The following ENTPD1 variants were observed in gnomAD, a reference collection of about 807,000 sequenced individuals.
ENTPD1 encodes the protein ATP diphosphohydrolase.
Under a neutral mutation model 57.0 loss-of-function variants are expected in ENTPD1, and 33 were observed. The observed-to-expected ratio is 0.58, with a 90% CI of 0.44 to 0.77. The LOEUF (loss-of-function observed/expected upper bound fraction) is 0.77. Ranked by LOEUF, ENTPD1 falls within the 30% of genes least tolerant of loss-of-function variation. The probability of loss-of-function intolerance (pLI) is 0.00; values close to 1 mark genes in which losing one functional copy is unlikely to be tolerated. For missense variants in ENTPD1, 501 were observed against 603.4 expected (o/e 0.83, Z 1.78); for synonymous variants, 202 against 218.8 (o/e 0.92, Z 0.68).
At chr10:95,736,886 A>T (rs1391926757) in intron 1 of ENTPD1, among the ~76,000 whole-genome samples, 2 of 152,204 alleles carry the variant, frequency 1.3e-5, no homozygotes, top group Admixed American at 6.5e-5. Context: ...GTAGTTTCTC[A>T]GCTTTGTTCT....
rs1163264124 is a variant in ENTPD1 at position 95,867,913 on chromosome 10, C to CT, written c.*1531dup. ...AACTTAATAAAGCTGTGGAAAGGAA[C>CT]TCTTAATCTTCTTTTCTGCTACTTA... On this transcript the variant is annotated 3_prime_UTR_variant, in exon 10 of 10. Transcript: ENST00000371205. The CT allele has an allele frequency of 2.0e-6, 2 of 985,334 alleles. No individual in the cohort carries two copies. Among genetic ancestry groups the CT allele is most frequent in the Non-Finnish European group, 2.4e-6 (2 of 829,944 alleles). The allele number at this position is 985,334 out of a possible 1,614,324, so 61.0% of individuals were successfully genotyped here. A position where few individuals can be genotyped will look rare whatever the true frequency, so the allele number is the denominator to read the frequency against.
At chr10:95,759,482 A>G (rs1259660571) in intron 1 of ENTPD1, among the ~76,000 whole-genome samples, 1 of 152,232 alleles carries the variant, frequency 6.6e-6, no homozygotes, top group Non-Finnish European at 1.5e-5. Context: ...TTCTAGCCCT[A>G]CTTTATAGCA....
At position 95,777,704 on chromosome 10, in the gene ENTPD1, G is replaced by A. The variant is rs547551030; in HGVS notation, c.16+21449G>A. Reference sequence around the variant, plus strand: ...CTCTTCAGAGCTGTTAGACAGGGACGTTTACATCTGCAGAAGTTGTCTGCT... The same window carrying A: ...CTCTTCAGAGCTGTTAGACAGGGACATTTACATCTGCAGAAGTTGTCTGCT... On this transcript the variant is annotated intron_variant, in intron 1 of 9. Transcript: ENST00000371205. Among the ~76,000 whole-genome samples the A allele has an allele frequency of 2.0e-5, 3 of 152,332 alleles. No homozygotes were observed. The East Asian group carries it at 5.8e-4, about 29-fold the overall frequency.
chr10:95,776,641 A>G (rs1386643778), intron 1 of ENTPD1, among the ~76,000 whole-genome samples: 2 of 152,034 alleles, frequency 1.3e-5, no homozygotes, highest in East Asian at 1.9e-4. Flanking sequence ...GAGTATCTTT[A>G]TGGTGTTCTC....
At chr10:95,742,145 A>C (rs958159751) in intron 1 of ENTPD1, among the ~76,000 whole-genome samples, 1 of 152,214 alleles carries the variant, frequency 6.6e-6, no homozygotes, top group East Asian at 1.9e-4. Flanking sequence ...ACTGACTCTT[A>C]GGCCCAGCAA....
intron 1 of ENTPD1, among the ~76,000 whole-genome samples, chr10:95,770,432 A>G (rs1321970257): frequency 1.3e-5 from 2 of 152,186 alleles, no homozygotes; most frequent in Admixed American, 1.3e-4. Flanking sequence ...GGCATTTGGC[A>G]CAGTGAATGT....
In ENTPD1 at chr10:95,781,516, C is replaced by T. The variant is rs868044800; in HGVS notation, c.16+25261C>T. On this transcript the variant is annotated intron_variant, in intron 1 of 9. Coordinates refer to ENST00000371205, the MANE Select transcript of ENTPD1 (RefSeq NM_001776.6). ...CTCATTTATCCTGATGTGATTATTA[C>T]GCATTGCATGCCTGTAACAAAATAT... 4.6e-5 allele frequency among the ~76,000 whole-genome samples: 7 copies of T among 152,172 alleles called. No homozygotes were observed. In the South Asian group the frequency reaches 8.3e-4, roughly 18 times the overall value.
intron 1 of ENTPD1, among the ~76,000 whole-genome samples, chr10:95,780,124 T>C (rs1042309655): frequency 3.3e-5 from 5 of 152,214 alleles, no homozygotes; most frequent in Non-Finnish European, 7.3e-5. Flanking sequence ...TGAGGTGTAT[T>C]GCATACTTCT....
intron 1 of ENTPD1, among the ~76,000 whole-genome samples, chr10:95,808,450 G>A (rs1190652191): frequency 6.6e-6 from 1 of 152,190 alleles, no homozygotes; most frequent in African/African-American, 2.4e-5. Context: ...ATGAGTTAGG[G>A]TGAAGTCCCT....
At chr10:95,717,930 G>C (rs569396933) in intron 1 of ENTPD1, among the ~76,000 whole-genome samples, 1 of 152,204 alleles carries the variant, frequency 6.6e-6, no homozygotes, top group Non-Finnish European at 1.5e-5. Context: ...TAATTTTACA[G>C]CTTCGATTCT....
intron 1 of ENTPD1, among the ~76,000 whole-genome samples, chr10:95,817,145 G>A (rs559114597): frequency 2.0e-5 from 3 of 152,290 alleles, no homozygotes; most frequent in South Asian, 4.1e-4. Flanking sequence ...CCTGATGATT[G>A]TTGGCTCGGT....
chr10:95,794,330 A>C (rs2098217622), intron 1 of ENTPD1, among the ~76,000 whole-genome samples: 1 of 152,166 alleles, frequency 6.6e-6, no homozygotes, highest in African/African-American at 2.4e-5. Flanking sequence ...TCATAAGTAC[A>C]GTTGCCATTT....
chr10:95,704,303 C>T, the ENTPD1 span, among the ~76,000 whole-genome samples: 15,610 of 151,972 alleles, frequency 0.1, 942 homozygotes, highest in Middle Eastern at 0.21. Context: ...TTCAAATTTA[C>T]GTGTAATTTC....
rs551762668 is a variant in ENTPD1, at chr10:95,865,055, G to A, written c.1326+194G>A. On this transcript the variant is annotated intron_variant, in intron 9 of 9. Transcript: ENST00000371205. ...CTGTTGGCCCACTGTGAGCATCCTC[G>A]CTAAGGACAGCTACTTGCATTTTCA... 3.9e-5 allele frequency among the ~76,000 whole-genome samples: 6 copies of A among 152,250 alleles called. No homozygotes were observed. The South Asian group carries it at 1.0e-3, about 26-fold the overall frequency.
intron 2 of ENTPD1, among the ~76,000 whole-genome samples, chr10:95,825,979 T>A (rs2098374506): frequency 6.6e-6 from 1 of 152,158 alleles, no homozygotes; most frequent in African/African-American, 2.4e-5. Context: ...CGACAATTAT[T>A]TATTACACTC....
chr10:95,811,965 T>A (rs2098310224), intron 1 of ENTPD1, among the ~76,000 whole-genome samples: 1 of 152,230 alleles, frequency 6.6e-6, no homozygotes, highest in Non-Finnish European at 1.5e-5. Flanking sequence ...AGTCAAAGGA[T>A]ATATGTGCTT....
In ENTPD1 at chr10:95,864,704, C is replaced by T. The variant is rs946233287; in HGVS notation, c.1189-20C>T. On this transcript the variant is annotated intron_variant, in intron 8 of 9. Transcript: ENST00000371205. ...GGTGCCTATCATACGAGTATGATCT[C>T]CCCCTCACTTCACTTCTAGATAAAA... is the stretch of plus-strand genomic sequence containing the variant. The T allele has an allele frequency of 1.9e-6, 3 of 1,613,848 alleles. No homozygotes were observed. The highest frequency in any genetic ancestry group is 2.5e-6 in the Non-Finnish European group (3 of 1,179,948).
chr10:95,809,850 G>T (rs1174766185), intron 1 of ENTPD1, among the ~76,000 whole-genome samples: 7 of 147,840 alleles, frequency 4.7e-5, no homozygotes, highest in African/African-American at 1.0e-4. Context: ...GGGCTGAGAT[G>T]CTCCTCACTT....
chr10:95,866,973 A>G lies in ENTPD1; in HGVS notation c.*590A>G. 2.0e-6 allele frequency: 2 copies of G among 999,502 alleles called. No homozygotes were observed. Among genetic ancestry groups the G allele is most frequent in the Non-Finnish European group, 2.4e-6 (2 of 837,488 alleles). The allele number at this position is 999,502 out of a possible 1,614,324, so 61.9% of individuals were successfully genotyped here. A position where few individuals can be genotyped will look rare whatever the true frequency, so the allele number is the denominator to read the frequency against. On this transcript the variant is annotated 3_prime_UTR_variant, in exon 10 of 10. Coordinates refer to ENST00000371205, the MANE Select transcript of ENTPD1 (RefSeq NM_001776.6). ...AAATATATGTGCTCATGCAGTCAAT[A>G]CAGTTCTCAATCCCACCCAAAGCAG... is the stretch of plus-strand genomic sequence containing the variant.
Sources: allele counts gnomAD v4.1 joint callset (sites outside exome capture counted in the v4.1 genomes callset), GRCh38; gene constraint gnomAD v4.1.1; transcripts MANE v1.5; gene names NCBI Gene and HGNC (gene_info 2026-07-23, HGNC 2026-07-21).